The following LRRFIP1 variants were observed in gnomAD, a reference collection of about 807,000 sequenced individuals.
LRRFIP1 encodes the protein leucine-rich repeat flightless-interacting protein 1.
LRRFIP1 carries 62 observed loss-of-function variants against 104.4 expected under a neutral mutation model. The ratio of observed to expected loss-of-function variants is 0.59; its 90% confidence interval spans 0.48 to 0.73. The LOEUF (loss-of-function observed/expected upper bound fraction) is 0.73. Ranked by LOEUF, LRRFIP1 falls within the 30% of genes least tolerant of loss-of-function variation. LRRFIP1 has a pLI of 0.00. For synonymous variants in LRRFIP1, 300 were observed against 299.0 expected (o/e 1.00, Z -0.03); for missense variants, 796 against 824.5 (o/e 0.97, Z 0.42).
At chr2:237,684,184 T>G (rs1210696619) in intron 1 of LRRFIP1, 1 of 152,056 alleles carries the variant, frequency 6.6e-6, no homozygotes, top group East Asian at 1.9e-4. Context: ...TTTTTTTTTT[T>G]TTTTTGGCCA....
chr2:237,713,809 C>T (rs531597987), intron 2 of LRRFIP1, among the ~76,000 whole-genome samples: 1 of 152,284 alleles, frequency 6.6e-6, no homozygotes, highest in East Asian at 1.9e-4. Context: ...TCCTGTTATT[C>T]TGTGTGTGTC....
In LRRFIP1 at chr2:237,749,664, G is replaced by A. The variant is rs530127936; in HGVS notation, c.795+340G>A. Among the ~76,000 whole-genome samples, 60 of 152,274 alleles carry A rather than the reference G, an allele frequency of 3.9e-4. 1 individual carries two copies. Among genetic ancestry groups the A allele is most frequent in the Non-Finnish European group, 1.5e-4 (10 of 68,016 alleles). Reference sequence around the variant, plus strand: ...TATGCTTGGTCTGCATAGACATTCAGTCCACAAGTTTGGACACCAGACGGC... The same window carrying A: ...TATGCTTGGTCTGCATAGACATTCAATCCACAAGTTTGGACACCAGACGGC... On this transcript the variant is annotated intron_variant, in intron 13 of 23. Coordinates refer to ENST00000308482, the MANE Select transcript of LRRFIP1 (RefSeq NM_001137550.2).
At chr2:237,750,919 C>G (rs988412304) in intron 13 of LRRFIP1, among the ~76,000 whole-genome samples, 3 of 152,148 alleles carry the variant, frequency 2.0e-5, no homozygotes, top group African/African-American at 7.2e-5. Flanking sequence ...TTGAAATAAC[C>G]TGTACCGTTT....
At chr2:237,681,931 G>A (rs1045071076) in intron 1 of LRRFIP1, among the ~76,000 whole-genome samples, 5 of 151,748 alleles carry the variant, frequency 3.3e-5, no homozygotes, top group East Asian at 1.9e-4. Context: ...CGCCCGCCTC[G>A]GCCTCCCAAA....
chr2:237,691,686 G>GT lies in LRRFIP1; in HGVS notation c.97-16857dup, dbSNP rs778493748. On this transcript the variant is annotated intron_variant, in intron 1 of 23. Coordinates refer to ENST00000308482, the MANE Select transcript of LRRFIP1 (RefSeq NM_001137550.2). This position sits in a 1 kb window ranked among gnomAD's most constrained non-coding sequence, Gnocchi z 5.4. ...CATACCCTCGCCCAGCCCCGGGCAG[G>GT]TCCCCCCCCGGAGGGGACCCCCTCT... Among the ~76,000 whole-genome samples, 5 of 151,820 alleles carry GT rather than the reference G, an allele frequency of 3.3e-5. No individual in the cohort carries two copies. The highest frequency in any genetic ancestry group is 2.1e-4 in the South Asian group (1 of 4,830).
chr2:237,740,679 C>A (rs996807573), intron 11 of LRRFIP1, among the ~76,000 whole-genome samples: 1 of 152,142 alleles, frequency 6.6e-6, no homozygotes, highest in Admixed American at 6.5e-5. Context: ...AGGTTTCCTA[C>A]CTCGCACCTG....
intron 1 of LRRFIP1, among the ~76,000 whole-genome samples, chr2:237,628,192 G>C (rs577122423): frequency 6.6e-6 from 1 of 152,218 alleles, no homozygotes; most frequent in Non-Finnish European, 1.5e-5. Flanking sequence ...TGAAATGGCC[G>C]AGTCGCTCAG....
Position 237,717,916 on chromosome 2 carries a change from A to C in LRRFIP1, c.249+107A>C. 1 of 876,610 alleles carries C rather than the reference A, an allele frequency of 1.1e-6. No individual in the cohort carries two copies. Among genetic ancestry groups the C allele is most frequent in the Non-Finnish European group, 2.0e-6 (1 of 509,390 alleles). 54.3% of individuals were successfully genotyped at this position (876,610 alleles called of 1,614,324 possible). ...ATTCTTACGCAGTTTAACTATGTAG[A>C]TAGATTCCTATTGCACCATAATTTA... On this transcript the variant is annotated intron_variant, in intron 4 of 23. Coordinates refer to ENST00000308482, the MANE Select transcript of LRRFIP1 (RefSeq NM_001137550.2). The surrounding 1 kb of genome is among the most constrained non-coding windows in gnomAD (Gnocchi z 4.2).
At chr2:237,742,384 C>T (rs1436387652) in intron 11 of LRRFIP1, among the ~76,000 whole-genome samples, 1 of 152,188 alleles carries the variant, frequency 6.6e-6, no homozygotes, top group Non-Finnish European at 1.5e-5. Context: ...TCCTGGGTGC[C>T]TTACATCTGA....
intron 1 of LRRFIP1, among the ~76,000 whole-genome samples, chr2:237,695,677 T>C (rs2093128798): frequency 6.6e-6 from 1 of 152,186 alleles, no homozygotes; most frequent in African/African-American, 2.4e-5. Flanking sequence ...TACATCTCAC[T>C]ACGTGTTAGA....
chr2:237,698,514 G>A (rs997955829), intron 1 of LRRFIP1, among the ~76,000 whole-genome samples: 1 of 152,236 alleles, frequency 6.6e-6, no homozygotes, highest in South Asian at 2.1e-4. Context: ...CAGGTCCCCC[G>A]AGTGCAGAGG....
At chr2:237,715,576 C>T (rs2094297120) in intron 3 of LRRFIP1, among the ~76,000 whole-genome samples, 1 of 152,222 alleles carries the variant, frequency 6.6e-6, no homozygotes, top group South Asian at 2.1e-4. Context: ...GCCCCGGAAA[C>T]CTGCAGTGGA....
At chr2:237,763,979 C>G in intron 19 of LRRFIP1, 1 of 1,614,182 alleles carries the variant, frequency 6.2e-7, no homozygotes, top group South Asian at 1.1e-5. Flanking sequence ...GTCAGAACAT[C>G]CAAGTCAGAC....
chr2:237,706,019 G>A (rs771515180), intron 1 of LRRFIP1, among the ~76,000 whole-genome samples: 4 of 152,232 alleles, frequency 2.6e-5, no homozygotes, highest in African/African-American at 4.8e-5. Flanking sequence ...GTCAACTGAC[G>A]AAGGATTTTA....
chr2:237,651,602 C>G (rs1021521589), intron 1 of LRRFIP1, among the ~76,000 whole-genome samples: 2 of 152,136 alleles, frequency 1.3e-5, no homozygotes, highest in African/African-American at 4.8e-5. Context: ...TTGCTTCCCT[C>G]CAGTGTCATT....
intron 1 of LRRFIP1, among the ~76,000 whole-genome samples, chr2:237,667,768 G>T (rs1440149083): frequency 1.3e-5 from 2 of 152,134 alleles, no homozygotes; most frequent in African/African-American, 4.8e-5. Context: ...ACGTGAAATG[G>T]CCTAACCAGG....
chr2:237,765,871 C>T (rs540454220), intron 19 of LRRFIP1: 11 of 982,608 alleles, frequency 1.1e-5, no homozygotes, highest in African/African-American at 5.2e-5. Flanking sequence ...TTGAGGAAAA[C>T]GTGTTATTAT....
chr2:237,681,868 A>G (rs1293403987), intron 1 of LRRFIP1, among the ~76,000 whole-genome samples: 1 of 149,912 alleles, frequency 6.7e-6, no homozygotes, highest in Non-Finnish European at 1.5e-5. Flanking sequence ...TTTAGTAGAG[A>G]CGGGGTTTCA....
At chr2:237,680,477 C>G (rs1485078030) in intron 1 of LRRFIP1, among the ~76,000 whole-genome samples, 4 of 152,122 alleles carry the variant, frequency 2.6e-5, no homozygotes, top group African/African-American at 7.2e-5. Flanking sequence ...GAACAGGAAC[C>G]TAGAGATGAT....
Sources: allele counts gnomAD v4.1 joint callset (sites outside exome capture counted in the v4.1 genomes callset), GRCh38; gene constraint gnomAD v4.1.1; non-coding constraint Gnocchi (gnomAD v3.1); transcripts MANE v1.5; gene names NCBI Gene and HGNC (gene_info 2026-07-23, HGNC 2026-07-21).